SMCHD1: variants seen among roughly 807,000 people sequenced by gnomAD.
SMCHD1 encodes the protein structural maintenance of chromosomes flexible hinge domain-containing protein 1.
SMCHD1 carries 78 observed loss-of-function variants against 254.7 expected under a neutral mutation model. The observed-to-expected ratio is 0.31, with a 90% CI of 0.26 to 0.37. The LOEUF (loss-of-function observed/expected upper bound fraction) is 0.37, where lower values mean the gene tolerates loss of function less well. Among genes scored for constraint, SMCHD1 ranks in the 10% least tolerant of loss-of-function variants. The probability of loss-of-function intolerance (pLI) is 1.00; values close to 1 mark genes in which losing one functional copy is unlikely to be tolerated. For missense variants in SMCHD1, 1,840 were observed against 2,408.1 expected (o/e 0.76, Z 4.94); for synonymous variants, 766 against 794.9 (o/e 0.96, Z 0.61).
At position 2,767,460 on chromosome 18, in the gene SMCHD1, C is replaced by T. The variant is rs144482326; in HGVS notation, c.4720-2234C>T. On this transcript the variant is annotated intron_variant, in intron 37 of 47. Coordinates refer to ENST00000320876, the MANE Select transcript of SMCHD1 (RefSeq NM_015295.3). ...ATGCAGTCATGTCATCACTTAATGA[C>T]GGGCATATGTTCTAAGAAATACATC... Among the ~76,000 whole-genome samples, 36 of 151,788 alleles carry T rather than the reference C, an allele frequency of 2.4e-4. No individual in the cohort carries two copies. The East Asian group carries it at 5.2e-3, about 22-fold the overall frequency.
chr18:2,678,302 C>T (rs200907496), intron 5 of SMCHD1, among the ~76,000 whole-genome samples: 2,337 of 41,748 alleles, frequency 0.056, 25 homozygotes, highest in Middle Eastern at 0.26. Context: ...TTTCTTTCTT[C>T]CTTTTTTTTT....
At chr18:2,729,028 TAAA>T (rs1266847726) in intron 23 of SMCHD1, among the ~76,000 whole-genome samples, 1 of 151,210 alleles carries the variant, frequency 6.6e-6, no homozygotes, top group African/African-American at 2.4e-5. Context: ...TCCAGTTAAG[TAAA>T]AAAGAAAAGG....
chr18:2,803,347 TA>T lies in SMCHD1; in HGVS notation c.*796del, dbSNP rs1180511234. ...ACATTATTTTGTAATTTTTTATTAC[TA>T]TTTTTAAGGGGTTAAAGAGAACATA... On this transcript the variant is annotated 3_prime_UTR_variant, in exon 48 of 48. Transcript: ENST00000320876. 1 of 151,574 alleles carries T rather than the reference TA, an allele frequency of 6.6e-6. No homozygotes were observed. Among genetic ancestry groups the T allele is most frequent in the Non-Finnish European group, 1.5e-5 (1 of 67,866 alleles). 9.4% of individuals were successfully genotyped at this position (151,574 alleles called of 1,614,324 possible). A position where few individuals can be genotyped will look rare whatever the true frequency, so the allele number is the denominator to read the frequency against.
At chr18:2,696,449 C>T (rs2074287439) in intron 8 of SMCHD1, among the ~76,000 whole-genome samples, 1 of 152,112 alleles carries the variant, frequency 6.6e-6, no homozygotes, top group African/African-American at 2.4e-5. Flanking sequence ...ATTGCGTGCT[C>T]CTTATGAGAC....
At position 2,705,807 on chromosome 18, in the gene SMCHD1, G is replaced by A; in HGVS notation, c.1956G>A (p.Met652Ile). Residue 652 changes from methionine (M) to isoleucine (I), a missense_variant and splice_region_variant, in exon 14 of 48, where the codon ATG becomes ATA. Coordinates refer to ENST00000320876, the MANE Select transcript of SMCHD1 (RefSeq NM_015295.3). Reference sequence around the variant, plus strand: ...CAGGAGGAGAGGTTCAAATTGCAATGGTAAGACAGCAAGTGATAAAACATA... The same window carrying A: ...CAGGAGGAGAGGTTCAAATTGCAATAGTAAGACAGCAAGTGATAAAACATA... ...YATGGEVQIA[M>I]EPQALYDEVR... The A allele has an allele frequency of 6.5e-7, 1 of 1,532,868 alleles. No individual in the cohort carries two copies. Among genetic ancestry groups the A allele is most frequent in the Non-Finnish European group, 9.0e-7 (1 of 1,112,590 alleles). 95.0% of individuals were successfully genotyped at this position (1,532,868 alleles called of 1,614,324 possible).
At chr18:2,681,586 C>CAAAAA (rs11338546) in intron 5 of SMCHD1, among the ~76,000 whole-genome samples, 4 of 95,908 alleles carry the variant, frequency 4.2e-5, no homozygotes, top group South Asian at 3.4e-4. Context: ...TCCTATCTCT[C>CAAAAA]AAAAAAAAAA....
At chr18:2,679,810 C>T (rs1427373840) in intron 5 of SMCHD1, among the ~76,000 whole-genome samples, 1 of 151,994 alleles carries the variant, frequency 6.6e-6, no homozygotes, top group African/African-American at 2.4e-5. Context: ...TCTAAGTATT[C>T]TTTCTCTCCT....
chr18:2,706,498 A>G (rs1342823839), intron 15 of SMCHD1, 28 bp downstream of exon 15: 1 of 1,447,708 alleles, frequency 6.9e-7, no homozygotes. Context: ...ATGCATGACA[A>G]AAATAAGAAA....
chr18:2,706,289 C>A, intron 14 of SMCHD1, 75 bp from the exon 15 acceptor site: 2 of 985,738 alleles, frequency 2.0e-6, no homozygotes, highest in South Asian at 3.4e-5. Flanking sequence ...TTGGAAGAAA[C>A]AAATGGGTGT....
chr18:2,740,449 T>G (rs149997348), intron 27 of SMCHD1, among the ~76,000 whole-genome samples: 1,529 of 152,264 alleles, frequency 0.01, 19 homozygotes, highest in African/African-American at 0.035. Context: ...AAATATTATC[T>G]TCAAATTTTC....
Position 2,790,795 on chromosome 18 carries a change from A to G in SMCHD1, c.5720-5154A>G, listed in dbSNP as rs1052482619. 3.3e-4 allele frequency among the ~76,000 whole-genome samples: 50 copies of G among 152,322 alleles called. 1 individual carries two copies. Among genetic ancestry groups the G allele is most frequent in the African/African-American group, 1.2e-3 (49 of 41,574 alleles). Reference sequence around the variant, plus strand: ...AATACCACAGTACAGGTAGAAGAAAATAATTCAAATGTCCCTAGCATAAAG... The same window carrying G: ...AATACCACAGTACAGGTAGAAGAAAGTAATTCAAATGTCCCTAGCATAAAG... On this transcript the variant is annotated intron_variant, in intron 45 of 47. Transcript: ENST00000320876.
At chr18:2,746,493 T>G (rs1405372414) in intron 29 of SMCHD1, among the ~76,000 whole-genome samples, 1 of 152,200 alleles carries the variant, frequency 6.6e-6, no homozygotes, top group Non-Finnish European at 1.5e-5. Context: ...AATTCAAGCT[T>G]TTTATAAACT....
intron 47 of SMCHD1, among the ~76,000 whole-genome samples, chr18:2,798,207 C>T (rs554609017): frequency 6.6e-6 from 1 of 152,088 alleles, no homozygotes; most frequent in African/African-American, 2.4e-5. Context: ...AGGCAGAGGC[C>T]AGATTATGAA....
chr18:2,801,729 A>G (rs2076366271), intron 47 of SMCHD1, among the ~76,000 whole-genome samples: 1 of 152,156 alleles, frequency 6.6e-6, no homozygotes, highest in Non-Finnish European at 1.5e-5. Flanking sequence ...ATCACATACT[A>G]TGTTTCATCA....
intron 30 of SMCHD1, among the ~76,000 whole-genome samples, chr18:2,747,942 C>T (rs140403170): frequency 1.2e-4 from 19 of 152,190 alleles, no homozygotes; most frequent in East Asian, 7.7e-4. Flanking sequence ...AGATAATTAA[C>T]ACTGACAAAG....
intron 7 of SMCHD1, among the ~76,000 whole-genome samples, chr18:2,693,560 G>A (rs139969545): frequency 9.2e-5 from 14 of 152,320 alleles, no homozygotes; most frequent in African/African-American, 3.4e-4. Context: ...TGACAAAAAT[G>A]TTATGTGACA....
intron 7 of SMCHD1, among the ~76,000 whole-genome samples, chr18:2,692,042 G>T (rs1209958639): frequency 1.3e-5 from 2 of 152,158 alleles, no homozygotes; most frequent in African/African-American, 4.8e-5. Context: ...TCCACATTTT[G>T]GCTGGTACAT....
Position 2,748,342 on chromosome 18 carries a change from T to TTGTGTGTGTGTGTGTGTG in SMCHD1, c.3927+719_3927+736dup, listed in dbSNP as rs1199860810. ...GGAAAAGCTGCTAGTCTTTGCAAAG[T>TTGTGTGTGTGTGTGTGTG]TGTGTGTGTGTGTGTGTGTGTGTGT... On this transcript the variant is annotated intron_variant, in intron 30 of 47. Coordinates refer to ENST00000320876, the MANE Select transcript of SMCHD1 (RefSeq NM_015295.3). Among the ~76,000 whole-genome samples, 41 of 78,452 alleles carry TTGTGTGTGTGTGTGTGTG rather than the reference T, an allele frequency of 5.2e-4. 1 individual carries two copies. Among genetic ancestry groups the TTGTGTGTGTGTGTGTGTG allele is most frequent in the African/African-American group, 2.1e-3 (38 of 17,812 alleles). 51.5% of individuals were successfully genotyped at this position (78,452 alleles called of 152,430 possible). A position where few individuals can be genotyped will look rare whatever the true frequency, so the allele number is the denominator to read the frequency against.
At chr18:2,669,817 T>C (rs1452435704) in intron 3 of SMCHD1, among the ~76,000 whole-genome samples, 2 of 152,078 alleles carry the variant, frequency 1.3e-5, no homozygotes, top group African/African-American at 4.8e-5. Context: ...CACACATAGT[T>C]CCCCCTATCT....
Sources: allele counts gnomAD v4.1 joint callset (sites outside exome capture counted in the v4.1 genomes callset), GRCh38; gene constraint gnomAD v4.1.1; transcripts MANE v1.5; gene names NCBI Gene and HGNC (gene_info 2026-07-23, HGNC 2026-07-21).